The following PCDH15 variants were observed in gnomAD, a reference collection of about 807,000 sequenced individuals.
PCDH15 encodes the protein protocadherin-15.
In PCDH15, 129 loss-of-function variants were observed where a neutral mutation model predicts 178.5. The observed-to-expected ratio is 0.72, with a 90% confidence interval of 0.63 to 0.84. The LOEUF is 0.84. PCDH15 is among the 40% of genes least tolerant of loss of function. The pLI is 0.00. For missense variants in PCDH15, 2,230 were observed against 2,099.9 expected (o/e 1.06, Z -1.21); for synonymous variants, 800 against 732.0 (o/e 1.09, Z -1.50).
At chr10:55,416,051 G>GCAAA (rs142167707) in intron 2 of PCDH15, among the ~76,000 whole-genome samples, 9 of 150,156 alleles carry the variant, frequency 6.0e-5, no homozygotes, top group South Asian at 4.2e-4. Flanking sequence ...AAACAAACAA[G>GCAAA]CAAACAAACA....
At chr10:54,873,651 A>T (rs1215378957) in intron 3 of PCDH15, among the ~76,000 whole-genome samples, 1 of 145,098 alleles carries the variant, frequency 6.9e-6, no homozygotes, top group African/African-American at 2.5e-5. Flanking sequence ...AATTACCTTG[A>T]GGTGATAGTT....
intron 2 of PCDH15, among the ~76,000 whole-genome samples, chr10:55,466,453 T>C (rs1020138709): frequency 1.3e-5 from 2 of 152,166 alleles, no homozygotes; most frequent in East Asian, 3.9e-4. Context: ...AATTACTACA[T>C]ATTAAACACT....
rs144106996 is a variant in PCDH15 at position 54,715,945 on chromosome 10, A to G, written c.-28-51655T>C. Among the ~76,000 whole-genome samples the G allele has an allele frequency of 9.6e-3, 1,455 of 152,184 alleles. 15 individuals are homozygous for G. The highest frequency in any genetic ancestry group is 0.014 in the Admixed American group (214 of 15,270). On this transcript the variant is annotated intron_variant, in intron 1 of 37. Transcript: ENST00000644397. ...GGTACATTGGTGCTCTCTCTTCTTG[A>G]TGCCCAGACATATCTCTGGAATTTG...
At chr10:55,265,891 G>A (rs576912187) in intron 1 of PCDH15, among the ~76,000 whole-genome samples, 203 of 152,236 alleles carry the variant, frequency 1.3e-3, no homozygotes, top group South Asian at 3.7e-3. Flanking sequence ...GCCTCCTGAA[G>A]TGGCCACTTC....
At chr10:53,942,988 G>A (rs2086203207) in intron 23 of PCDH15, among the ~76,000 whole-genome samples, 1 of 152,136 alleles carries the variant, frequency 6.6e-6, no homozygotes, top group African/African-American at 2.4e-5. Flanking sequence ...AAGAAAATAT[G>A]TCAGTCATAT....
At chr10:54,476,679 T>C (rs564207812) in intron 3 of PCDH15, among the ~76,000 whole-genome samples, 2 of 152,174 alleles carry the variant, frequency 1.3e-5, no homozygotes, top group South Asian at 4.1e-4. Flanking sequence ...ACATGTACTT[T>C]CAATTTTGTG....
At chr10:54,149,750 T>A (rs1254038681) in intron 14 of PCDH15, among the ~76,000 whole-genome samples, 1 of 152,154 alleles carries the variant, frequency 6.6e-6, no homozygotes, top group Admixed American at 6.6e-5. Context: ...CAGGCTATTG[T>A]GTTGAGAAGA....
intron 2 of PCDH15, among the ~76,000 whole-genome samples, chr10:54,909,232 T>G (rs1204174920): frequency 6.6e-6 from 1 of 152,140 alleles, no homozygotes; most frequent in Non-Finnish European, 1.5e-5. Flanking sequence ...CTTCAGGCCT[T>G]CCCTGGCTTG....
At chr10:54,317,686 C>T (rs1278380260) in intron 7 of PCDH15, among the ~76,000 whole-genome samples, 3 of 151,888 alleles carry the variant, frequency 2.0e-5, no homozygotes, top group Non-Finnish European at 2.9e-5. Context: ...GCAGGAGGAT[C>T]GCTTGAACTT....
chr10:53,812,857 A>G (rs1049141625), intron 35 of PCDH15, among the ~76,000 whole-genome samples: 1 of 152,162 alleles, frequency 6.6e-6, no homozygotes, highest in Non-Finnish European at 1.5e-5. Context: ...ATTTATAAAA[A>G]TTTAATTTTG....
At chr10:55,545,362 G>A (rs1180214583) in intron 2 of PCDH15, among the ~76,000 whole-genome samples, 4 of 150,240 alleles carry the variant, frequency 2.7e-5, no homozygotes, top group Non-Finnish European at 4.4e-5. Flanking sequence ...TGCAACCTCC[G>A]CCTCCCGGGT....
intron 2 of PCDH15, among the ~76,000 whole-genome samples, chr10:55,497,904 C>T (rs1034916386): frequency 2.0e-5 from 3 of 151,886 alleles, no homozygotes; most frequent in Non-Finnish European, 4.4e-5. Context: ...CAAATTCTAT[C>T]ACGTTCAAAA....
intron 1 of PCDH15, among the ~76,000 whole-genome samples, chr10:55,204,964 C>A (rs1009393250): frequency 1.4e-4 from 21 of 151,856 alleles, no homozygotes; most frequent in Non-Finnish European, 7.4e-5. Flanking sequence ...AATTATAATG[C>A]CAACAGATTT....
intron 1 of PCDH15, among the ~76,000 whole-genome samples, chr10:54,748,627 T>C (rs1003508366): frequency 6.6e-6 from 1 of 152,208 alleles, no homozygotes; most frequent in Non-Finnish European, 1.5e-5. Context: ...ATTTCTTTGA[T>C]TGTAAAGTGT....
intron 2 of PCDH15, among the ~76,000 whole-genome samples, chr10:55,600,363 TA>T (rs34329607): frequency 0.064 from 9,073 of 141,026 alleles, 568 homozygotes; most frequent in East Asian, 0.32. Context: ...GACTCTGTCT[TA>T]AAAAAAAAAA....
At chr10:55,417,166 C>A (rs146302882) in intron 2 of PCDH15, among the ~76,000 whole-genome samples, 1 of 151,802 alleles carries the variant, frequency 6.6e-6, no homozygotes. Flanking sequence ...TTTATTGGCA[C>A]ATAGCCACTC....
intron 2 of PCDH15, among the ~76,000 whole-genome samples, chr10:55,138,077 A>G (rs942024376): frequency 1.3e-5 from 2 of 152,126 alleles, no homozygotes; most frequent in African/African-American, 4.8e-5. Flanking sequence ...TGAGATTTGA[A>G]ATTTGTAAAT....
chr10:54,376,588 G>C (rs1413412570), intron 4 of PCDH15, among the ~76,000 whole-genome samples: 2 of 151,270 alleles, frequency 1.3e-5, no homozygotes, highest in African/African-American at 4.8e-5. Flanking sequence ...TAGGATCATA[G>C]AGAAGCATAC....
chr10:54,197,746 T>C (rs1454053123), intron 10 of PCDH15, among the ~76,000 whole-genome samples: 1 of 152,150 alleles, frequency 6.6e-6, no homozygotes, highest in Non-Finnish European at 1.5e-5. Flanking sequence ...GTGATATTGG[T>C]AGGGATTGCT....
Sources: gnomAD v4.1 joint callset for allele counts (sites outside exome capture counted in the v4.1 genomes callset) on GRCh38, gnomAD v4.1.1 for gene constraint, MANE v1.5 for transcripts, NCBI Gene and HGNC (gene_info 2026-07-23, HGNC 2026-07-21) for gene names.